The following CSMD2 variants were observed in gnomAD, a reference collection of about 807,000 sequenced individuals.
CSMD2 encodes the protein CUB and Sushi multiple domains 2, also known as CUB and sushi domain-containing protein 2.
In CSMD2, 130 loss-of-function variants were observed where a neutral mutation model predicts 398.5. That is an observed-to-expected ratio of 0.33 (90% confidence interval 0.28 to 0.38). The LOEUF (loss-of-function observed/expected upper bound fraction) is 0.38, where lower values mean the gene tolerates loss of function less well. Ranked by LOEUF, CSMD2 falls within the 10% of genes least tolerant of loss-of-function variation. The pLI is 1.00. For synonymous variants in CSMD2, 1,828 were observed against 1,908.5 expected, an observed-to-expected ratio of 0.96 and a Z score of 1.10; for missense variants, 3,829 against 4,764.9, an observed-to-expected ratio of 0.80 and a Z score of 5.78.
chr1:34,008,704 T>G (rs9425896), intron 3 of CSMD2, among the ~76,000 whole-genome samples: 1 of 152,204 alleles, frequency 6.6e-6, no homozygotes, highest in Non-Finnish European at 1.5e-5. Flanking sequence ...TCTTACGATA[T>G]TCATTTATTC....
At chr1:33,646,103 C>CT (rs1643411574) in intron 29 of CSMD2, among the ~76,000 whole-genome samples, 1 of 152,182 alleles carries the variant, frequency 6.6e-6, no homozygotes, top group South Asian at 2.1e-4. Context: ...GAAGGATGAG[C>CT]AAATGTGATC....
intron 24 of CSMD2, 74 bp from the exon 25 acceptor site, chr1:33,693,130 G>C: frequency 6.7e-7 from 1 of 1,492,280 alleles, no homozygotes; most frequent in Admixed American, 2.5e-5. Context: ...GGCTCCTTTT[G>C]CCTGTTTGCT....
chr1:33,732,047 A>T (rs576567467), intron 15 of CSMD2, among the ~76,000 whole-genome samples: 3 of 152,312 alleles, frequency 2.0e-5, no homozygotes, highest in Admixed American at 2.0e-4. Context: ...CTGTTTTGGT[A>T]TATGTTTGAA....
chr1:34,082,651 A>G (rs112078142), intron 2 of CSMD2, among the ~76,000 whole-genome samples: 40 of 152,376 alleles, frequency 2.6e-4, no homozygotes, highest in African/African-American at 9.1e-4. Flanking sequence ...ATGTGGGGAA[A>G]AGAGAGATCA....
chr1:33,999,901 G>A (rs963489774), intron 3 of CSMD2, among the ~76,000 whole-genome samples: 1 of 152,116 alleles, frequency 6.6e-6, no homozygotes, highest in African/African-American at 2.4e-5. Flanking sequence ...TTTGCATAGT[G>A]GAATTCTGTA....
intron 10 of CSMD2, among the ~76,000 whole-genome samples, chr1:33,807,241 T>C (rs771384559): frequency 2.6e-5 from 4 of 152,274 alleles, no homozygotes; most frequent in African/African-American, 9.6e-5. Flanking sequence ...CTAGCGTTCT[T>C]TCAAGAACAA....
intron 41 of CSMD2, among the ~76,000 whole-genome samples, chr1:33,608,662 C>G (rs948015611): frequency 6.6e-6 from 1 of 152,054 alleles, no homozygotes; most frequent in African/African-American, 2.4e-5. Flanking sequence ...ATGAAGAGCA[C>G]CATGTGAAGA....
intron 25 of CSMD2, 74 bp downstream of exon 25, chr1:33,692,856 T>C: frequency 6.4e-7 from 1 of 1,567,362 alleles, no homozygotes; most frequent in South Asian, 1.2e-5. Context: ...ACTAGCTGGA[T>C]GGCCTGGTGA....
intron 37 of CSMD2, among the ~76,000 whole-genome samples, chr1:33,619,321 G>A (rs1457363711): frequency 1.3e-5 from 2 of 152,174 alleles, no homozygotes; most frequent in Non-Finnish European, 2.9e-5. Context: ...AGGCTCCTTT[G>A]GGGGATACAG....
chr1:33,988,268 T>C (rs938204018), intron 3 of CSMD2, among the ~76,000 whole-genome samples: 2 of 152,190 alleles, frequency 1.3e-5, no homozygotes, highest in Non-Finnish European at 1.5e-5. Flanking sequence ...AGCCAGGACA[T>C]GGAGGAGACC....
At chr1:33,689,970 G>T (rs954838133) in intron 25 of CSMD2, among the ~76,000 whole-genome samples, 17 of 152,136 alleles carry the variant, frequency 1.1e-4, no homozygotes, top group African/African-American at 4.1e-4. Flanking sequence ...AATGTCCCCT[G>T]AATTTTCTCT....
Position 33,881,450 on chromosome 1 carries a change from G to C in CSMD2, c.921-34454C>G, listed in dbSNP as rs150792827. On this transcript the variant is annotated intron_variant, in intron 5 of 70. Transcript: ENST00000373381. ...GAAAAATGTGGGGAAGGTCGTTTTG[G>C]CTAGGGAAAGCAGGAAGCATGAAGG... Among the ~76,000 whole-genome samples the C allele has an allele frequency of 9.1e-3, 1,382 of 152,290 alleles. 15 individuals are homozygous for C. The highest frequency in any genetic ancestry group is 0.019 in the East Asian group (98 of 5,184).
chr1:33,760,645 G>A (rs1285383906), intron 13 of CSMD2, among the ~76,000 whole-genome samples: 1 of 152,172 alleles, frequency 6.6e-6, no homozygotes. Context: ...ATATAAAAAT[G>A]GGATTAATAA....
chr1:33,533,378 C>T lies in CSMD2; in HGVS notation c.9992-149G>A, dbSNP rs924068560. ...AGCATCCCCCTCCCTAATCCTCCACCCTAACCCAAGCTCTGTGTCTAGAGG... is the reference window on the plus strand; with the variant it reads ...AGCATCCCCCTCCCTAATCCTCCACTCTAACCCAAGCTCTGTGTCTAGAGG... On this transcript the variant is annotated intron_variant, in intron 63 of 70. Transcript: ENST00000373381. The surrounding 1 kb of genome is among the most constrained non-coding windows in gnomAD (Gnocchi z 4.2). 1 of 732,396 alleles carries T rather than the reference C, an allele frequency of 1.4e-6. No individual in the cohort carries two copies. The highest frequency in any genetic ancestry group is 2.2e-6 in the Non-Finnish European group (1 of 448,620). The allele number at this position is 732,396 out of a possible 1,614,324, so 45.4% of individuals were successfully genotyped here.
chr1:33,792,157 T>G (rs1654399197), intron 11 of CSMD2, among the ~76,000 whole-genome samples: 1 of 152,174 alleles, frequency 6.6e-6, no homozygotes, highest in Non-Finnish European at 1.5e-5. Context: ...TCCAGGTTCA[T>G]CCACAAAACC....
intron 5 of CSMD2, among the ~76,000 whole-genome samples, chr1:33,890,660 A>G (rs1232745648): frequency 1.3e-5 from 2 of 152,062 alleles, no homozygotes; most frequent in African/African-American, 4.8e-5. Flanking sequence ...ACAAGGCTAC[A>G]GTAACCAAAA....
chr1:34,087,830 T>C (rs976825853), intron 2 of CSMD2, among the ~76,000 whole-genome samples: 4 of 152,088 alleles, frequency 2.6e-5, no homozygotes, highest in African/African-American at 7.2e-5. Flanking sequence ...CAAGACATAA[T>C]AGGTACCCAT....
At chr1:33,852,648 C>A (rs1201849717) in intron 5 of CSMD2, among the ~76,000 whole-genome samples, 1 of 152,246 alleles carries the variant, frequency 6.6e-6, no homozygotes, top group Non-Finnish European at 1.5e-5. Context: ...CCAAATTGTA[C>A]TCATCTTTTG....
intron 17 of CSMD2, 147 bp downstream of exon 17, chr1:33,725,202 C>T (rs777245090): frequency 1.0e-4 from 67 of 655,448 alleles, no homozygotes; most frequent in Non-Finnish European, 1.5e-4. Context: ...AGAGTGCCTT[C>T]CCCAGGGCCT....
Sources: allele counts gnomAD v4.1 joint callset (sites outside exome capture counted in the v4.1 genomes callset), GRCh38; gene constraint gnomAD v4.1.1; non-coding constraint Gnocchi (gnomAD v3.1); transcripts MANE v1.5; gene names NCBI Gene and HGNC (gene_info 2026-07-23, HGNC 2026-07-21).